Variants in SYNE1 observed in about 807,000 individuals in gnomAD.
SYNE1 encodes nesprin-1.
A neutral mutation model predicts 1,111.0 loss-of-function variants in SYNE1; 616 were observed. That is an observed-to-expected ratio of 0.55 (90% CI 0.52 to 0.59). SYNE1 has a LOEUF of 0.59. Among genes scored for constraint, SYNE1 ranks in the 20% least tolerant of loss-of-function variants. The probability of loss-of-function intolerance (pLI) is 0.00; values close to 1 mark genes in which losing one functional copy is unlikely to be tolerated. For missense variants in SYNE1, 10,006 were observed against 10,417.0 expected (o/e 0.96, Z 1.72); for synonymous variants, 3,855 against 3,825.8 (o/e 1.01, Z -0.28).
chr6:152,441,394 T>C (rs761697082), intron 31 of SYNE1, 124 bp from the exon 32 acceptor site: 1 of 978,654 alleles, frequency 1.0e-6, no homozygotes, highest in Non-Finnish European at 1.5e-6. Context: ...ACAGTCACAA[T>C]GAATAGAGAT....
rs2099525156 is a variant in SYNE1, at chr6:152,582,850, AT to A, written c.68-42830del. On this transcript the variant is annotated intron_variant, in intron 3 of 145. Coordinates refer to ENST00000367255, the MANE Select transcript of SYNE1 (RefSeq NM_182961.4). ...TTACATATATTGTGGCCTTTTCAAAATTTGCTGAAATCTGTAATTCTACAAT... is the reference window on the plus strand; with the variant it reads ...TTACATATATTGTGGCCTTTTCAAAATTGCTGAAATCTGTAATTCTACAAT... Among the ~76,000 whole-genome samples the A allele has an allele frequency of 4.6e-5, 7 of 152,068 alleles. No individual in the cohort carries two copies. In the South Asian group the frequency reaches 1.5e-3, roughly 32 times the overall value.
At chr6:152,386,689 G>T (rs1163168090) in intron 54 of SYNE1, among the ~76,000 whole-genome samples, 1 of 152,096 alleles carries the variant, frequency 6.6e-6, no homozygotes, top group Non-Finnish European at 1.5e-5. Context: ...TTTCGTACAC[G>T]ACTGAATCTT....
At chr6:152,232,584 C>T (rs943542339) in intron 112 of SYNE1, among the ~76,000 whole-genome samples, 4 of 152,026 alleles carry the variant, frequency 2.6e-5, no homozygotes, top group African/African-American at 9.7e-5. Context: ...AAAAACTTAA[C>T]CAGAAAACAT....
intron 108 of SYNE1, among the ~76,000 whole-genome samples, chr6:152,238,976 G>T (rs1299144212): frequency 1.3e-5 from 2 of 150,616 alleles, no homozygotes; most frequent in African/African-American, 4.9e-5. Flanking sequence ...TTGGCTCACT[G>T]CAACCACTGC....
intron 116 of SYNE1, among the ~76,000 whole-genome samples, chr6:152,225,238 C>G: frequency 6.6e-6 from 1 of 151,248 alleles, no homozygotes; most frequent in Non-Finnish European, 1.5e-5. Flanking sequence ...TGAAATCTAT[C>G]TATAGCTATA....
At chr6:152,160,933 G>GAT (rs2062355056) in intron 131 of SYNE1, among the ~76,000 whole-genome samples, 2 of 151,616 alleles carry the variant, frequency 1.3e-5, no homozygotes, top group African/African-American at 2.4e-5. Flanking sequence ...TTTCATTTTA[G>GAT]ATATATATAT....
At position 152,122,237 on chromosome 6, in the gene SYNE1, T is replaced by C. The variant is rs547039049; in HGVS notation, c.*199A>G. 9.0e-6 allele frequency: 7 copies of C among 774,420 alleles called. No homozygotes were observed. Among genetic ancestry groups the C allele is most frequent in the African/African-American group, 1.7e-5 (1 of 57,870 alleles). 48.0% of individuals were successfully genotyped at this position (774,420 alleles called of 1,614,324 possible). A position where few individuals can be genotyped will look rare whatever the true frequency, so the allele number is the denominator to read the frequency against. On this transcript the variant is annotated 3_prime_UTR_variant, in exon 146 of 146. Transcript: ENST00000367255. ...ACCAGATTTCTTCCAAACCTTCTTG[T>C]TGTCTGTTTGTTCCCCCGTCACTGT...
Position 152,262,177 on chromosome 6 carries a change from T to C in SYNE1, c.18827A>G (p.Asp6276Gly), listed in dbSNP as rs201697752. ...ETSGDAGEKP[D>G]VLSQELGMEG... The stretch of plus-strand genomic sequence containing the variant: ...CATCCCCAACTCCTGGGATAACACA[T>C]CAGGTTTTTCGCTATTAGAAGAATA... Residue 6276 changes from aspartate to glycine, a missense_variant, in exon 101 of 146, where the codon GAT becomes GGT. Asp to Gly is a moderately conservative substitution (Grantham distance 94). Coordinates refer to ENST00000367255, the MANE Select transcript of SYNE1 (RefSeq NM_182961.4). The C allele has an allele frequency of 1.1e-5, 18 of 1,613,778 alleles. No individual in the cohort carries two copies.
At chr6:152,296,656 C>T (rs1368295053) in intron 93 of SYNE1, among the ~76,000 whole-genome samples, 1 of 152,232 alleles carries the variant, frequency 6.6e-6, no homozygotes, top group Non-Finnish European at 1.5e-5. Context: ...CTGACCTGCA[C>T]ATATTTAGTG....
intron 117 of SYNE1, among the ~76,000 whole-genome samples, chr6:152,222,753 G>T (rs969275643): frequency 6.6e-6 from 1 of 152,200 alleles, no homozygotes. Flanking sequence ...GGAAAAGAAA[G>T]ATGTTGATCA....
intron 130 of SYNE1, among the ~76,000 whole-genome samples, chr6:152,174,737 C>A (rs1333067157): frequency 6.6e-6 from 1 of 152,214 alleles, no homozygotes; most frequent in Non-Finnish European, 1.5e-5. Flanking sequence ...GGACAAGCCT[C>A]AACCTTAGCC....
intron 91 of SYNE1, among the ~76,000 whole-genome samples, chr6:152,305,682 A>G (rs1246871947): frequency 1.3e-5 from 2 of 152,232 alleles, no homozygotes; most frequent in Admixed American, 1.3e-4. Context: ...AAAACAAGAC[A>G]GAAAATACAG....
At chr6:152,334,884 C>T (rs1053743889) in intron 76 of SYNE1, among the ~76,000 whole-genome samples, 8 of 152,010 alleles carry the variant, frequency 5.3e-5, no homozygotes, top group East Asian at 1.9e-4. Context: ...CTGGTTTGAA[C>T]GCCTCTGACG....
intron 73 of SYNE1, among the ~76,000 whole-genome samples, chr6:152,346,764 C>T (rs1379802086): frequency 3.9e-5 from 6 of 152,206 alleles, no homozygotes; most frequent in East Asian, 1.9e-4. Flanking sequence ...GAGCCGAGAT[C>T]GCGCCACTGC....
chr6:152,511,139 T>C (rs778796533), intron 6 of SYNE1, 36 bp from the exon 7 acceptor site: 7 of 1,534,756 alleles, frequency 4.6e-6, no homozygotes, highest in Non-Finnish European at 6.3e-6. Context: ...AGTAATGTAC[T>C]AGAATATTAT....
Position 152,225,803 on chromosome 6 carries a change from T to G in SYNE1, c.21269A>C (p.Gln7090Pro). The change falls in exon 116 of 146, where the codon CAG (glutamine) becomes CCG (proline). Residue 7090 changes from glutamine to proline, a missense_variant. Physicochemically the swap from Gln to Pro is moderately conservative, Grantham distance 76 (BLOSUM62 -1). Around this residue, in one of 7 missense-constraint regions of SYNE1, gnomAD observed 2,182 missense variants for 2,287.8 expected, o/e 0.95. Transcript: ENST00000367255. ...KIEQNGLALI[Q>P]NKKEDVSSIV... ...GCTAGAGACGTCTTCTTTCTTGTTC[T>G]GAATCAAAGCAAGTCCATTCTGCTC... 6.2e-7 allele frequency: 1 copy of G among 1,614,146 alleles called. No homozygotes were observed. The highest frequency in any genetic ancestry group is 8.5e-7 in the Non-Finnish European group (1 of 1,180,014).
chr6:152,576,594 C>T (rs149427821), intron 3 of SYNE1, among the ~76,000 whole-genome samples: 10 of 152,090 alleles, frequency 6.6e-5, no homozygotes, highest in Admixed American at 2.0e-4. Context: ...AGGTATTTTC[C>T]AAGTGACACA....
chr6:152,151,861 A>T, intron 134 of SYNE1, 98 bp downstream of exon 134: 1 of 1,521,298 alleles, frequency 6.6e-7, no homozygotes, highest in South Asian at 1.2e-5. Context: ...CTGCCATCCC[A>T]TTCTTACAAA....
intron 131 of SYNE1, among the ~76,000 whole-genome samples, chr6:152,163,601 G>A (rs1215908629): frequency 6.6e-6 from 1 of 151,722 alleles, no homozygotes; most frequent in South Asian, 2.1e-4. Context: ...TGCTTTGTTG[G>A]GTTGTACGCC....
Sources: gnomAD v4.1 joint callset for allele counts (sites outside exome capture counted in the v4.1 genomes callset) on GRCh38, gnomAD v4.1.1 for gene constraint, gnomAD v4.1.1 regional missense constraint, MANE v1.5 for transcripts, NCBI Gene and HGNC (gene_info 2026-07-23, HGNC 2026-07-21) for gene names.